The following EDA variants were observed in gnomAD, a reference collection of about 807,000 sequenced individuals.
EDA encodes the protein ectodysplasin A.
EDA carries 2 observed loss-of-function variants against 23.6 expected under a neutral mutation model. The ratio of observed to expected loss-of-function variants is 0.08; its 90% CI spans 0.03 to 0.27. The LOEUF is 0.27. EDA is among the 10% of genes least tolerant of loss of function. The pLI is 1.00. For missense variants in EDA, 229 were observed against 324.2 expected (o/e 0.71, Z 2.26); for synonymous variants, 131 against 132.0 (o/e 0.99, Z 0.05).
intron 1 of EDA, among the ~76,000 whole-genome samples, chrX:69,697,768 C>G (rs1026181144): frequency 1.8e-5 from 2 of 112,035 alleles, no homozygotes; most frequent in Admixed American, 1.9e-4. Flanking sequence ...TTTGTTGGGT[C>G]CCACCCATCC....
chrX:69,709,197 G>A (rs1340909468), intron 1 of EDA, among the ~76,000 whole-genome samples: 1 of 111,921 alleles, frequency 8.9e-6, no homozygotes, highest in African/African-American at 3.2e-5. Flanking sequence ...TTTTCATTGT[G>A]TATCTAACAG....
chrX:69,835,923 T>A (rs1308077226), intron 1 of EDA, among the ~76,000 whole-genome samples: 5 of 111,784 alleles, frequency 4.5e-5, no homozygotes, highest in African/African-American at 1.3e-4. Flanking sequence ...TTGTTGATGT[T>A]GATGCTATTC....
In EDA at chrX:69,659,920, C is replaced by G. The variant is rs1045818395; in HGVS notation, c.396+43216C>G. ...CCAGGAATGTGTATTTTTAAAAGTT[C>G]CCTAGGCGATTCTGACGCACAGCCA... On this transcript the variant is annotated intron_variant, in intron 1 of 7. Transcript: ENST00000374552. 1.1e-4 allele frequency among the ~76,000 whole-genome samples: 12 copies of G among 110,868 alleles called. No homozygotes were observed. In the Admixed American group the frequency reaches 1.2e-3, roughly 11 times the overall value.
chrX:69,749,995 A>G (rs1280514556), intron 1 of EDA, among the ~76,000 whole-genome samples: 1 of 101,092 alleles, frequency 9.9e-6, no homozygotes, highest in Non-Finnish European at 2.0e-5. Context: ...AATAGACAAA[A>G]TAAAACAAGT....
intron 1 of EDA, among the ~76,000 whole-genome samples, chrX:69,699,809 G>A (rs1317756803): frequency 6.3e-5 from 7 of 110,563 alleles, no homozygotes; most frequent in South Asian, 3.9e-4. Context: ...AATAGTCTGC[G>A]CAGGGTTTAA....
intron 1 of EDA, among the ~76,000 whole-genome samples, chrX:69,947,789 A>T (rs1466687702): frequency 4.5e-5 from 5 of 112,308 alleles, no homozygotes; most frequent in African/African-American, 1.3e-4. Flanking sequence ...GTCATACAAA[A>T]GCTGGACCCA....
At chrX:70,004,836 A>G (rs2019781187) in intron 2 of EDA, among the ~76,000 whole-genome samples, 1 of 112,208 alleles carries the variant, frequency 8.9e-6, no homozygotes, top group South Asian at 3.7e-4. Flanking sequence ...AGTGACTCAC[A>G]CCTGTAATCC....
intron 1 of EDA, among the ~76,000 whole-genome samples, chrX:69,717,524 T>G (rs949442322): frequency 1.9e-5 from 2 of 106,002 alleles, no homozygotes; most frequent in African/African-American, 6.9e-5. Context: ...CAAATTGTTT[T>G]TTTTTTTTTT....
intron 1 of EDA, among the ~76,000 whole-genome samples, chrX:69,788,281 T>G (rs1015895435): frequency 1.8e-5 from 2 of 112,845 alleles, no homozygotes; most frequent in Non-Finnish European, 3.7e-5. Flanking sequence ...TGAAGCCTTC[T>G]TCTCTCAGCT....
chrX:69,748,626 A>C (rs943063233), intron 1 of EDA, among the ~76,000 whole-genome samples: 1 of 111,947 alleles, frequency 8.9e-6, no homozygotes, highest in African/African-American at 3.2e-5. Context: ...TGTCTCCTTT[A>C]GGAAGATGGC....
chrX:69,862,961 A>T (rs1036066355), intron 1 of EDA, among the ~76,000 whole-genome samples: 1 of 109,768 alleles, frequency 9.1e-6, no homozygotes, highest in Non-Finnish European at 1.9e-5. Flanking sequence ...TGTAGGAAAT[A>T]GTTGGACTCT....
At chrX:69,888,334 A>G (rs1319334008) in intron 1 of EDA, among the ~76,000 whole-genome samples, 1 of 110,811 alleles carries the variant, frequency 9.0e-6, no homozygotes, top group Non-Finnish European at 1.9e-5. Context: ...GCATACCACC[A>G]TAGAAAATCA....
At chrX:69,733,270 T>G (rs1426754809) in intron 1 of EDA, among the ~76,000 whole-genome samples, 1 of 112,249 alleles carries the variant, frequency 8.9e-6, no homozygotes, top group Non-Finnish European at 1.9e-5. Flanking sequence ...CTTGTATTAA[T>G]TTTTGTATAA....
At position 69,973,580 on chromosome X, in the gene EDA, C is replaced by T. The variant is rs761302702; in HGVS notation, c.502+16448C>T. On this transcript the variant is annotated intron_variant, in intron 2 of 7. Transcript: ENST00000374552. ...AACTCCCTCTAACTTGCATTGCCTT[C>T]TCCCTCATTCCCTAGTTGTCCCAGT... Among the ~76,000 whole-genome samples the T allele has an allele frequency of 4.5e-5, 5 of 111,685 alleles. No individual in the cohort carries two copies. In the South Asian group the frequency reaches 1.5e-3, roughly 34 times the overall value.
At chrX:69,626,761 A>G (rs1176683403) in intron 1 of EDA, among the ~76,000 whole-genome samples, 2 of 112,107 alleles carry the variant, frequency 1.8e-5, no homozygotes, top group Non-Finnish European at 3.8e-5. Flanking sequence ...GAAATGATGC[A>G]AGAGATATCA....
chrX:69,690,565 C>T (rs925259384), intron 1 of EDA, among the ~76,000 whole-genome samples: 1 of 111,488 alleles, frequency 9.0e-6, no homozygotes, highest in Non-Finnish European at 1.9e-5. Flanking sequence ...ATTTTTATGA[C>T]TATATTCATA....
intron 1 of EDA, among the ~76,000 whole-genome samples, chrX:69,648,108 C>T (rs888910022): frequency 9.0e-6 from 1 of 111,379 alleles, no homozygotes; most frequent in Non-Finnish European, 1.9e-5. Context: ...CTGTTGCCAG[C>T]CCACATGTGC....
intron 1 of EDA, among the ~76,000 whole-genome samples, chrX:69,941,312 A>T (rs756322604): frequency 1.9e-4 from 21 of 111,559 alleles, no homozygotes; most frequent in Non-Finnish European, 3.4e-4. Flanking sequence ...ATTAAGTCTG[A>T]TGCTTCTTTG....
Position 69,929,706 on chromosome X carries a change from T to TGTGTGTGTGTGTGTG in EDA, c.397-27321_397-27320insGTGTGTGTGTGTGTG, listed in dbSNP as rs373930590. On this transcript the variant is annotated intron_variant, in intron 1 of 7. Transcript: ENST00000374552. Reference sequence around the variant, plus strand: ...GAAAACACTTCACTTCATTCTATTTTTGTGTGTGTGTGTGTGTGTGTGTGT... The same window carrying TGTGTGTGTGTGTGTG: ...GAAAACACTTCACTTCATTCTATTTTGTGTGTGTGTGTGTGTGTGTGTGTGTGTGTGTGTGTGTGT... 8.3e-5 allele frequency among the ~76,000 whole-genome samples: 7 copies of TGTGTGTGTGTGTGTG among 84,342 alleles called. No individual in the cohort carries two copies. The East Asian group carries it at 1.2e-3, about 14-fold the overall frequency. The allele number at this position is 84,342 out of a possible 115,157, so 73.2% of individuals were successfully genotyped here. A position where few individuals can be genotyped will look rare whatever the true frequency, so the allele number is the denominator to read the frequency against.
Sources: gnomAD v4.1 joint callset for allele counts (sites outside exome capture counted in the v4.1 genomes callset) on GRCh38, gnomAD v4.1.1 for gene constraint, MANE v1.5 for transcripts, NCBI Gene and HGNC (gene_info 2026-07-23, HGNC 2026-07-21) for gene names.